The following CAMTA1 variants were observed in gnomAD, a reference collection of about 807,000 sequenced individuals.
CAMTA1 encodes calmodulin-binding transcription activator 1.
A neutral mutation model predicts 170.9 loss-of-function variants in CAMTA1; 27 were observed. The ratio of observed to expected loss-of-function variants is 0.16; its 90% CI spans 0.12 to 0.22. CAMTA1 has a LOEUF of 0.22. CAMTA1 is among the 10% of genes least tolerant of loss of function. The pLI, the probability that CAMTA1 is intolerant of heterozygous loss-of-function variation, is 1.00. For missense variants in CAMTA1, 1,619 were observed against 2,217.2 expected (o/e 0.73, Z 5.42); for synonymous variants, 833 against 891.5 (o/e 0.93, Z 1.17).
chr1:7,350,723 G>A, intron 5 of CAMTA1, among the ~76,000 whole-genome samples: 1 of 147,010 alleles, frequency 6.8e-6, no homozygotes, highest in South Asian at 2.1e-4. Flanking sequence ...AAGTCATATG[G>A]TGTGTGTGTG....
chr1:7,754,682 T>C (rs1222047274), intron 21 of CAMTA1, among the ~76,000 whole-genome samples: 4 of 152,222 alleles, frequency 2.6e-5, no homozygotes, highest in Non-Finnish European at 5.9e-5. Flanking sequence ...GAAGGTTCAT[T>C]ATGAAGAGAA....
intron 10 of CAMTA1, among the ~76,000 whole-genome samples, chr1:7,672,296 G>A (rs1038431356): frequency 1.3e-5 from 2 of 151,982 alleles, no homozygotes; most frequent in East Asian, 3.9e-4. Flanking sequence ...AGGTGGTCCA[G>A]CCTGAGCCTT....
rs12037491 is a variant in CAMTA1 at position 7,267,578 on chromosome 1, G to A, written c.438+17952G>A. On this transcript the variant is annotated intron_variant, in intron 5 of 22. Coordinates refer to ENST00000303635, the MANE Select transcript of CAMTA1 (RefSeq NM_015215.4). ...CCTGTGACATACTCCATATTTAACT[G>A]TTCAGACCTACCAGCAGGCCAAGGG... Among the ~76,000 whole-genome samples the A allele has an allele frequency of 1.5e-3, 233 of 152,280 alleles. 4 individuals are homozygous for A. The East Asian group carries it at 0.039, about 25-fold the overall frequency.
At chr1:7,540,195 G>A (rs1178398710) in intron 6 of CAMTA1, among the ~76,000 whole-genome samples, 1 of 152,254 alleles carries the variant, frequency 6.6e-6, no homozygotes, top group East Asian at 1.9e-4. Flanking sequence ...GCATAAGTGC[G>A]ACTCAATGAA....
chr1:7,587,251 G>C (rs1409864808), intron 6 of CAMTA1, among the ~76,000 whole-genome samples: 1 of 152,042 alleles, frequency 6.6e-6, no homozygotes, highest in Admixed American at 6.5e-5. Context: ...CGCCGCCCCT[G>C]CAGGCGGCCC....
chr1:7,246,664 G>C lies in CAMTA1; in HGVS notation c.303-2827G>C, dbSNP rs114054347. Among the ~76,000 whole-genome samples, 743 of 127,412 alleles carry C rather than the reference G, an allele frequency of 5.8e-3. 5 individuals are homozygous for C. Among genetic ancestry groups the C allele is most frequent in the African/African-American group, 0.021 (693 of 32,270 alleles). The allele number at this position is 127,412 out of a possible 152,430, so 83.6% of individuals were successfully genotyped here. A position where few individuals can be genotyped will look rare whatever the true frequency, so the allele number is the denominator to read the frequency against. ...CCTCTGATCCCTTCCCACCAGCTCT[G>C]ACCTGCTTTTTTTTTTTTTTTTTTT... On this transcript the variant is annotated intron_variant, in intron 4 of 22. Transcript: ENST00000303635.
chr1:7,103,697 T>C (rs116839629), intron 4 of CAMTA1, among the ~76,000 whole-genome samples: 1,823 of 141,998 alleles, frequency 0.013, 40 homozygotes, highest in African/African-American at 0.046. Context: ...CAGATACAAC[T>C]ACACATATGT....
At chr1:7,600,270 C>G (rs2095429958) in intron 6 of CAMTA1, among the ~76,000 whole-genome samples, 1 of 152,124 alleles carries the variant, frequency 6.6e-6, no homozygotes, top group Non-Finnish European at 1.5e-5. Flanking sequence ...TTGAACCAGC[C>G]TTGCATCCCA....
chr1:6,889,729 T>C (rs1267731338), intron 3 of CAMTA1, among the ~76,000 whole-genome samples: 1 of 152,234 alleles, frequency 6.6e-6, no homozygotes, highest in Non-Finnish European at 1.5e-5. Context: ...ATTGTGTGTG[T>C]GTAGAAGATG....
chr1:7,612,000 G>A (rs762503107), intron 6 of CAMTA1, among the ~76,000 whole-genome samples: 1 of 152,262 alleles, frequency 6.6e-6, no homozygotes, highest in Non-Finnish European at 1.5e-5. Context: ...AGGAGCCTGG[G>A]CAAGTGCTTT....
intron 6 of CAMTA1, among the ~76,000 whole-genome samples, chr1:7,636,589 A>G (rs2095714131): frequency 6.6e-6 from 1 of 152,052 alleles, no homozygotes; most frequent in Non-Finnish European, 1.5e-5. Context: ...GATGCCTGTA[A>G]TCCCAGCTGC....
intron 6 of CAMTA1, among the ~76,000 whole-genome samples, chr1:7,530,431 T>A (rs535126092): frequency 6.6e-6 from 1 of 152,294 alleles, no homozygotes; most frequent in African/African-American, 2.4e-5. Context: ...CCCTAGCAGC[T>A]GGGGACATGC....
intron 5 of CAMTA1, among the ~76,000 whole-genome samples, chr1:7,458,001 G>A (rs781505813): frequency 1.9e-4 from 29 of 152,146 alleles, no homozygotes; most frequent in Non-Finnish European, 3.4e-4. Flanking sequence ...GGGCGCCCAC[G>A]TGTCCTGCGC....
intron 19 of CAMTA1, chr1:7,750,878 T>G (rs555442752): frequency 5.6e-6 from 2 of 358,168 alleles, no homozygotes; most frequent in Non-Finnish European, 1.1e-5. Flanking sequence ...ATTTAAAATT[T>G]TACTGTCGAA....
At chr1:7,149,947 G>T (rs1573470908) in intron 4 of CAMTA1, among the ~76,000 whole-genome samples, 1 of 152,308 alleles carries the variant, frequency 6.6e-6, no homozygotes, top group African/African-American at 2.4e-5. Flanking sequence ...GGCTTGTACT[G>T]CCAGGGGAGG....
At chr1:7,037,530 C>T (rs77351664) in intron 3 of CAMTA1, among the ~76,000 whole-genome samples, 3,634 of 152,236 alleles carry the variant, frequency 0.024, 119 homozygotes, top group African/African-American at 0.077. Flanking sequence ...ACAGTGTTTT[C>T]GTTAAGTTTT....
chr1:7,193,103 C>T (rs6689131), intron 4 of CAMTA1, among the ~76,000 whole-genome samples: 72,845 of 151,794 alleles, frequency 0.48, 19,062 homozygotes, highest in South Asian at 0.59. Context: ...GTAATCCCAG[C>T]ACTTTGGAAG....
rs766330749 is a variant in CAMTA1, at chr1:7,251,474, G to A, written c.438+1848G>A. Among the ~76,000 whole-genome samples the A allele has an allele frequency of 3.9e-4, 60 of 152,142 alleles. No homozygotes were observed. The highest frequency in any genetic ancestry group is 7.9e-4 in the Admixed American group (12 of 15,274). On this transcript the variant is annotated intron_variant, in intron 5 of 22. Coordinates refer to ENST00000303635, the MANE Select transcript of CAMTA1 (RefSeq NM_015215.4). This position sits in a 1 kb window ranked among gnomAD's most constrained non-coding sequence, Gnocchi z 5.1. ...TAACATGGATGGCAGTGTGGGCAGC[G>A]GGAAGAGCCGGTGACACGATGCTTG...
intron 3 of CAMTA1, among the ~76,000 whole-genome samples, chr1:7,069,603 C>T (rs1328229518): frequency 1.3e-5 from 2 of 152,064 alleles, no homozygotes; most frequent in African/African-American, 4.8e-5. Context: ...TCTGCCTCTC[C>T]GTAGGGTGGG....
Sources: gnomAD v4.1 joint callset for allele counts (sites outside exome capture counted in the v4.1 genomes callset) on GRCh38, gnomAD v4.1.1 for gene constraint, Gnocchi (gnomAD v3.1) non-coding constraint, MANE v1.5 for transcripts, NCBI Gene and HGNC (gene_info 2026-07-23, HGNC 2026-07-21) for gene names.